USP24: variants seen among roughly 807,000 people sequenced by gnomAD.
USP24 encodes ubiquitin specific peptidase 24.
In USP24, 97 loss-of-function variants were observed where a neutral mutation model predicts 361.6. The observed-to-expected ratio is 0.27, with a 90% CI of 0.23 to 0.32. The LOEUF is 0.32. Among genes scored for constraint, USP24 ranks in the 10% least tolerant of loss-of-function variants. The pLI, the probability that USP24 is intolerant of heterozygous loss-of-function variation, is 1.00. For synonymous variants in USP24, 1,098 were observed against 1,124.6 expected, an observed-to-expected ratio of 0.98 and a Z score of 0.47; for missense variants, 2,353 against 3,165.6, an observed-to-expected ratio of 0.74 and a Z score of 6.16.
Position 55,081,318 on chromosome 1 carries a change from T to C in USP24, c.7078+4A>G. 6.2e-7 allele frequency: 1 copy of C among 1,613,162 alleles called. No individual in the cohort carries two copies. The highest frequency in any genetic ancestry group is 8.5e-7 in the Non-Finnish European group (1 of 1,179,246). On this transcript the variant is annotated splice_donor_region_variant and intron_variant, in intron 59 of 67. Coordinates refer to ENST00000294383, the MANE Select transcript of USP24 (RefSeq NM_015306.3). ...CTCTTCATTCTAAGATATGTTAAGC[T>C]TACCAACATTCCTTTGGGATGAGAC...
intron 62 of USP24, among the ~76,000 whole-genome samples, chr1:55,076,151 C>T (rs1389578150): frequency 6.6e-6 from 1 of 152,152 alleles, no homozygotes; most frequent in African/African-American, 2.4e-5. Flanking sequence ...AGGACATATA[C>T]TTTATGATCC....
At chr1:55,085,884 A>G (rs1645239682) in intron 56 of USP24, 58 bp downstream of exon 56, 4 of 1,544,268 alleles carry the variant, frequency 2.6e-6, no homozygotes, top group South Asian at 1.1e-5. Flanking sequence ...ATTACCTGCA[A>G]TTTAAAACAT....
At chr1:55,102,738 T>G (rs1397621226) in intron 42 of USP24, among the ~76,000 whole-genome samples, 1 of 152,154 alleles carries the variant, frequency 6.6e-6, no homozygotes, top group Non-Finnish European at 1.5e-5. Flanking sequence ...AATATTTATC[T>G]AACACAGATA....
chr1:55,079,793 T>TGAGTACTCCCACAGAGTACTCACACA lies in USP24; in HGVS notation c.7079-135_7079-134insTGTGTGAGTACTCTGTGGGAGTACTC. The TGAGTACTCCCACAGAGTACTCACACA allele has an allele frequency of 2.9e-6, 3 of 1,051,220 alleles. 1 individual carries two copies. Among genetic ancestry groups the TGAGTACTCCCACAGAGTACTCACACA allele is most frequent in the Non-Finnish European group, 3.8e-6 (3 of 780,996 alleles). 65.1% of individuals were successfully genotyped at this position (1,051,220 alleles called of 1,614,324 possible). ...GTACTCTCACAGAGTACTCACACAC[T>TGAGTACTCCCACAGAGTACTCACACA]GAGTACTCACACACTGAGTACTCGC... is the stretch of plus-strand genomic sequence containing the variant. On this transcript the variant is annotated intron_variant, in intron 59 of 67. Transcript: ENST00000294383.
rs1645332319 is a variant in USP24, at chr1:55,089,684, T to A, written c.6611A>T (p.Asp2204Val). The A allele has an allele frequency of 6.2e-7, 1 of 1,605,312 alleles. No homozygotes were observed. The highest frequency in any genetic ancestry group is 8.5e-7 in the Non-Finnish European group (1 of 1,175,396). ...TIEALLSKSF[D>V]ACQWLVEYFI... ...ATATTCAACTAACCACTGACAAGCATCAAAACTTTTTGAAAGCAATGCTTC... is the reference window on the plus strand; with the variant it reads ...ATATTCAACTAACCACTGACAAGCAACAAAACTTTTTGAAAGCAATGCTTC... The change falls in exon 55 of 68, where the codon GAT becomes GTT. Residue 2204 changes from aspartate (D) to valine (V), a missense_variant. Around this residue, in one of 8 missense-constraint regions of USP24, gnomAD observed 598 missense variants for 761.9 expected, o/e 0.78. Transcript: ENST00000294383.
At chr1:55,157,169 AAAGC>A (rs755729631) in intron 11 of USP24, 83 bp downstream of exon 11, 4 of 1,356,242 alleles carry the variant, frequency 2.9e-6, no homozygotes, top group Non-Finnish European at 4.1e-6. Flanking sequence ...TAATACAGTC[AAAGC>A]AACAATTTTG....
At chr1:55,155,564 C>T (rs761811611) in intron 12 of USP24, among the ~76,000 whole-genome samples, 3 of 152,152 alleles carry the variant, frequency 2.0e-5, no homozygotes, top group African/African-American at 4.8e-5. Flanking sequence ...ATTCCACCAA[C>T]GTCAAGACAT....
chr1:55,081,592 G>A (rs1180943216), intron 58 of USP24, among the ~76,000 whole-genome samples, 168 bp from the exon 59 acceptor site: 1 of 152,152 alleles, frequency 6.6e-6, no homozygotes, highest in Non-Finnish European at 1.5e-5. Flanking sequence ...CCAGCTCAAA[G>A]GGTTATATTA....
rs116713058 is a variant in USP24, at chr1:55,108,626, T to C, written c.4571-1196A>G. 7.6e-3 allele frequency among the ~76,000 whole-genome samples: 1,156 copies of C among 152,294 alleles called. 12 individuals carry two copies. Among genetic ancestry groups the C allele is most frequent in the African/African-American group, 0.027 (1,121 of 41,574 alleles). The stretch of plus-strand genomic sequence containing the variant: ...TTCAAGACATGTTATTACCCGAGAA[T>C]TCCCCTCACCTCCCAAGATCTTAAC... On this transcript the variant is annotated intron_variant, in intron 39 of 67. Transcript: ENST00000294383.
intron 1 of USP24, among the ~76,000 whole-genome samples, chr1:55,188,419 G>A (rs1045876159): frequency 1.3e-5 from 2 of 151,244 alleles, no homozygotes; most frequent in Non-Finnish European, 2.9e-5. Context: ...AGAATCTACA[G>A]AATGAGAAAC....
intron 28 of USP24, among the ~76,000 whole-genome samples, chr1:55,135,101 TATC>T (rs1391825593): frequency 6.6e-6 from 1 of 152,180 alleles, no homozygotes; most frequent in Non-Finnish European, 1.5e-5. Context: ...GCTGCTATAA[TATC>T]ATTCTGAGTG....
chr1:55,190,774 C>T lies in USP24; in HGVS notation c.325-12642G>A, dbSNP rs563080476. Among the ~76,000 whole-genome samples, 286 of 152,212 alleles carry T rather than the reference C, an allele frequency of 1.9e-3. 1 individual carries two copies. Among genetic ancestry groups the T allele is most frequent in the Middle Eastern group, 3.4e-3 (1 of 294 alleles). ...AAGTAGAGAAAAGGCTGGTGGATGC[C>T]AAACCAGCCTGTGGGTGTCCAGGTA... On this transcript the variant is annotated intron_variant, in intron 1 of 67. Transcript: ENST00000294383.
At chr1:55,086,218 G>C in intron 55 of USP24, 180 bp from the exon 56 acceptor site, 2 of 611,882 alleles carry the variant, frequency 3.3e-6, no homozygotes, top group Non-Finnish European at 5.8e-6. Flanking sequence ...CCTGCTAACT[G>C]TAATGCCACA....
intron 1 of USP24, among the ~76,000 whole-genome samples, chr1:55,181,626 C>CT (rs1643968746): frequency 6.6e-6 from 1 of 152,146 alleles, no homozygotes; most frequent in Admixed American, 6.5e-5. Flanking sequence ...GGGTATACGT[C>CT]ATTACTATGG....
chr1:55,079,895 C>G (rs1251642435), intron 59 of USP24, among the ~76,000 whole-genome samples: 1 of 151,522 alleles, frequency 6.6e-6, no homozygotes, highest in Non-Finnish European at 1.5e-5. Flanking sequence ...CTCGCACACA[C>G]AGAGAACTCG....
intron 67 of USP24, among the ~76,000 whole-genome samples, chr1:55,069,608 G>A (rs930888898): frequency 6.6e-6 from 1 of 152,102 alleles, no homozygotes; most frequent in Non-Finnish European, 1.5e-5. Context: ...GGGGTGGGGA[G>A]GAGCAAGGAC....
Position 55,137,092 on chromosome 1 carries a change from G to C in USP24, c.3201+423C>G, listed in dbSNP as rs116370822. Among the ~76,000 whole-genome samples, 512 of 152,300 alleles carry C rather than the reference G, an allele frequency of 3.4e-3. 4 individuals carry two copies. Among genetic ancestry groups the C allele is most frequent in the African/African-American group, 0.012 (498 of 41,578 alleles). Reference sequence around the variant, plus strand: ...AACCAAATAAAAAACCAAACAGGCGGAGAGACAGTGGAAATTCACACCAAG... The same window carrying C: ...AACCAAATAAAAAACCAAACAGGCGCAGAGACAGTGGAAATTCACACCAAG... On this transcript the variant is annotated intron_variant, in intron 28 of 67. Coordinates refer to ENST00000294383, the MANE Select transcript of USP24 (RefSeq NM_015306.3).
chr1:55,088,608 T>C (rs1645303602), intron 55 of USP24, among the ~76,000 whole-genome samples: 1 of 152,040 alleles, frequency 6.6e-6, no homozygotes, highest in Non-Finnish European at 1.5e-5. Context: ...AAATGCTCAT[T>C]TGCTAATCTG....
intron 16 of USP24, among the ~76,000 whole-genome samples, chr1:55,150,222 T>C (rs1647155033): frequency 1.3e-5 from 2 of 152,206 alleles, no homozygotes; most frequent in African/African-American, 4.8e-5. Flanking sequence ...AGCATTACTA[T>C]ATACAATGCA....
Sources: allele counts gnomAD v4.1 joint callset (sites outside exome capture counted in the v4.1 genomes callset), GRCh38; gene constraint gnomAD v4.1.1; regional missense constraint gnomAD v4.1.1; transcripts MANE v1.5; gene names NCBI Gene and HGNC (gene_info 2026-07-23, HGNC 2026-07-21).